Variants in MOB3B observed in about 807,000 individuals in gnomAD.
MOB3B encodes the protein MOB kinase activator 3B, also known as MOB kinase activator-like 2B.
A neutral mutation model predicts 18.7 loss-of-function variants in MOB3B; 7 were observed. That is an observed-to-expected ratio of 0.37 (90% CI 0.21 to 0.70). The LOEUF is 0.70. Ranked by LOEUF, MOB3B falls within the 30% of genes least tolerant of loss-of-function variation. The pLI is 0.52. For missense variants in MOB3B, 253 were observed against 281.3 expected (o/e 0.90, Z 0.72); for synonymous variants, 111 against 99.9 (o/e 1.11, Z -0.66).
intron 1 of MOB3B, among the ~76,000 whole-genome samples, chr9:27,524,150 TA>T (rs3081119): frequency 0.22 from 19,656 of 89,830 alleles, 1,264 homozygotes; most frequent in East Asian, 0.39. Flanking sequence ...TCACCCGAAG[TA>T]AAAAAAAAAA....
intron 3 of MOB3B, among the ~76,000 whole-genome samples, chr9:27,353,870 G>A (rs1821145861): frequency 6.6e-6 from 1 of 152,168 alleles, no homozygotes; most frequent in African/African-American, 2.4e-5. Flanking sequence ...GGCAGCCAAG[G>A]GCCAACAGCA....
chr9:27,487,153 A>AAATAAAAT (rs1241652908), intron 1 of MOB3B, among the ~76,000 whole-genome samples: 6 of 22,844 alleles, frequency 2.6e-4, no homozygotes, highest in Non-Finnish European at 9.8e-4. Flanking sequence ...ATAAATAAAT[A>AAATAAAAT]AAATAAATAA....
At chr9:27,413,789 A>C (rs1269091577) in intron 2 of MOB3B, among the ~76,000 whole-genome samples, 1 of 152,212 alleles carries the variant, frequency 6.6e-6, no homozygotes, top group East Asian at 1.9e-4. Context: ...TTTCTGAGCA[A>C]CTGGGTAAAT....
At chr9:27,394,298 T>C (rs1005300889) in intron 2 of MOB3B, 1 of 152,100 alleles carries the variant, frequency 6.6e-6, no homozygotes, top group Admixed American at 6.5e-5. Flanking sequence ...TAATCTGTCA[T>C]GTTACACGGC....
At chr9:27,367,705 C>G (rs1315762687) in intron 2 of MOB3B, among the ~76,000 whole-genome samples, 1 of 152,234 alleles carries the variant, frequency 6.6e-6, no homozygotes, top group African/African-American at 2.4e-5. Context: ...TCTTCTGAAT[C>G]AATGCCAAGA....
rs189619092 is a variant in MOB3B, at chr9:27,336,730, T to C, written c.622-6114A>G. 9.9e-5 allele frequency among the ~76,000 whole-genome samples: 15 copies of C among 152,078 alleles called. No homozygotes were observed. In the East Asian group the frequency reaches 2.5e-3, roughly 26 times the overall value. On this transcript the variant is annotated intron_variant, in intron 3 of 3. Transcript: ENST00000262244. The stretch of plus-strand genomic sequence containing the variant: ...GCTACTAGGGGGAGGAGTTCACGTA[T>C]ATAAAGGAAATTGGGCTCTCTAATA...
chr9:27,511,259 C>G (rs1187425186), intron 1 of MOB3B, among the ~76,000 whole-genome samples: 2 of 151,862 alleles, frequency 1.3e-5, no homozygotes, highest in African/African-American at 4.8e-5. Flanking sequence ...CACTCAGAAC[C>G]CTTTATTTTA....
At chr9:27,430,247 T>C (rs1822398086) in intron 2 of MOB3B, among the ~76,000 whole-genome samples, 1 of 152,180 alleles carries the variant, frequency 6.6e-6, no homozygotes, top group Non-Finnish European at 1.5e-5. Context: ...GCCCCAGGCT[T>C]TTCTTTCCTG....
At chr9:27,384,586 C>A (rs759072878) in intron 2 of MOB3B, among the ~76,000 whole-genome samples, 1 of 152,180 alleles carries the variant, frequency 6.6e-6, no homozygotes, top group African/African-American at 2.4e-5. Flanking sequence ...TCTTCCAGAA[C>A]AATTCTTCCA....
intron 3 of MOB3B, among the ~76,000 whole-genome samples, chr9:27,331,272 T>C (rs992760349): frequency 6.6e-6 from 1 of 152,208 alleles, no homozygotes; most frequent in Non-Finnish European, 1.5e-5. Context: ...CCCATGCCTA[T>C]GGTCCGCTGC....
At chr9:27,337,081 A>G (rs1361679709) in intron 3 of MOB3B, among the ~76,000 whole-genome samples, 1 of 152,130 alleles carries the variant, frequency 6.6e-6, no homozygotes, top group Non-Finnish European at 1.5e-5. Context: ...CTCCACTCAG[A>G]TGGGACATAC....
chr9:27,502,652 C>T (rs1820007387), intron 1 of MOB3B, among the ~76,000 whole-genome samples: 1 of 152,204 alleles, frequency 6.6e-6, no homozygotes, highest in African/African-American at 2.4e-5. Context: ...AGAAGCTTTT[C>T]TGGCTTCAGA....
chr9:27,430,639 GA>G (rs1051099330), intron 2 of MOB3B, among the ~76,000 whole-genome samples: 3 of 152,174 alleles, frequency 2.0e-5, no homozygotes, highest in African/African-American at 7.2e-5. Context: ...ATAGTTAACT[GA>G]AAAGTTAAAG....
chr9:27,462,112 G>A lies in MOB3B; in HGVS notation c.-198-6364C>T, dbSNP rs138904053. Among the ~76,000 whole-genome samples the A allele has an allele frequency of 1.9e-3, 282 of 152,310 alleles. 1 individual carries two copies. Among genetic ancestry groups the A allele is most frequent in the African/African-American group, 6.2e-3 (259 of 41,572 alleles). On this transcript the variant is annotated intron_variant, in intron 1 of 3. Coordinates refer to ENST00000262244, the MANE Select transcript of MOB3B (RefSeq NM_024761.5). ...GGGTTGATCCAATCTTACTGCAGTTGTAAAAATAAATAGTAAAGTAAAATT... is the reference window on the plus strand; with the variant it reads ...GGGTTGATCCAATCTTACTGCAGTTATAAAAATAAATAGTAAAGTAAAATT...
intron 1 of MOB3B, among the ~76,000 whole-genome samples, chr9:27,525,595 G>A (rs1238829841): frequency 2.6e-5 from 4 of 152,122 alleles, no homozygotes; most frequent in Non-Finnish European, 5.9e-5. Flanking sequence ...CGACCATTAA[G>A]CTTTCATTTA....
intron 3 of MOB3B, among the ~76,000 whole-genome samples, chr9:27,335,319 T>C (rs1392572626): frequency 6.6e-6 from 1 of 152,210 alleles, no homozygotes; most frequent in African/African-American, 2.4e-5. Flanking sequence ...ATTTCGGAGA[T>C]GTGGCAACTC....
At chr9:27,376,151 T>A (rs574841916) in intron 2 of MOB3B, among the ~76,000 whole-genome samples, 1 of 152,344 alleles carries the variant, frequency 6.6e-6, no homozygotes, top group Non-Finnish European at 1.5e-5. Context: ...GACATAAGTA[T>A]TAGATATTCT....
intron 2 of MOB3B, among the ~76,000 whole-genome samples, chr9:27,378,944 G>A (rs1821532705): frequency 1.3e-5 from 2 of 152,172 alleles, no homozygotes; most frequent in African/African-American, 4.8e-5. Flanking sequence ...CTCAAAGCTT[G>A]CTCTCTTTCC....
chr9:27,326,787 A>G lies in MOB3B; in HGVS notation c.*3800T>C, dbSNP rs1451584215. The G allele has an allele frequency of 1.3e-5, 5 of 391,032 alleles. No homozygotes were observed. Among genetic ancestry groups the G allele is most frequent in the Non-Finnish European group, 2.3e-5 (5 of 221,752 alleles). The allele number at this position is 391,032 out of a possible 1,614,324, so 24.2% of individuals were successfully genotyped here. A position where few individuals can be genotyped will look rare whatever the true frequency, so the allele number is the denominator to read the frequency against. ...TATTTCTCAATTACAGCCGTGTAAG[A>G]CATTTTCTTCCTAATCATCTCTCCC... On this transcript the variant is annotated 3_prime_UTR_variant, in exon 4 of 4. Coordinates refer to ENST00000262244, the MANE Select transcript of MOB3B (RefSeq NM_024761.5).
Sources: gnomAD v4.1 joint callset for allele counts (sites outside exome capture counted in the v4.1 genomes callset) on GRCh38, gnomAD v4.1.1 for gene constraint, MANE v1.5 for transcripts, NCBI Gene and HGNC (gene_info 2026-07-23, HGNC 2026-07-21) for gene names.